The following WDSUB1 variants were observed in gnomAD, a reference collection of about 807,000 sequenced individuals.
WDSUB1 encodes the protein WD repeat, sterile alpha motif and U-box domain containing 1, also known as WD repeat, SAM and U-box domain-containing protein 1.
A neutral mutation model predicts 53.9 loss-of-function variants in WDSUB1; 49 were observed. The observed-to-expected ratio is 0.91, with a 90% CI of 0.72 to 1.15. The LOEUF (loss-of-function observed/expected upper bound fraction) is 1.15. Among genes scored for constraint, WDSUB1 ranks in the 50% most tolerant of loss-of-function variants. The pLI is 0.00. For synonymous variants in WDSUB1, 194 were observed against 200.6 expected (o/e 0.97, Z 0.28); for missense variants, 514 against 562.0 (o/e 0.91, Z 0.86).
intron 10 of WDSUB1, among the ~76,000 whole-genome samples, chr2:159,240,923 A>AAAAC (rs1485529926): frequency 6.6e-6 from 1 of 152,232 alleles, no homozygotes; most frequent in Non-Finnish European, 1.5e-5. Context: ...AGGTCCAAGA[A>AAAAC]AAACACCTAG....
At chr2:159,249,302 A>G (rs2060892870) in intron 9 of WDSUB1, among the ~76,000 whole-genome samples, 1 of 152,274 alleles carries the variant, frequency 6.6e-6, no homozygotes, top group Admixed American at 6.5e-5. Flanking sequence ...TGTCCAAACC[A>G]TAAACAGTTT....
intron 10 of WDSUB1, among the ~76,000 whole-genome samples, chr2:159,239,798 A>G (rs1030833572): frequency 6.6e-6 from 1 of 152,082 alleles, no homozygotes; most frequent in African/African-American, 2.4e-5. Context: ...ACTTTTGCCT[A>G]CTTACAAATT....
intron 10 of WDSUB1, among the ~76,000 whole-genome samples, chr2:159,238,644 T>C (rs2060553306): frequency 6.6e-6 from 1 of 152,250 alleles, no homozygotes; most frequent in Admixed American, 6.5e-5. Flanking sequence ...TGGATCGATT[T>C]CTGGATTTTA....
rs1202775652 is a variant in WDSUB1, at chr2:159,256,237, A to T, written c.1091T>A (p.Leu364Ter). 3 of 1,608,736 alleles carry T rather than the reference A, an allele frequency of 1.9e-6. No homozygotes were observed. The South Asian group carries it at 3.4e-5, about 18-fold the overall frequency. ...AGCCAGACTTTCTTTTGTAAGATTC[A>T]ACAGTTCTTTTCCATCAATGTTATT... ...KMNNIDGKEL[L>*]NLTKESLADD... The change falls in exon 9 of 11, where the codon TTG becomes TAG. Residue 364 changes from leucine to a stop codon, truncating the protein, a stop_gained. Coordinates refer to ENST00000359774, the MANE Select transcript of WDSUB1 (RefSeq NM_001128212.3). LOFTEE classifies it high-confidence loss of function.
intron 10 of WDSUB1, among the ~76,000 whole-genome samples, chr2:159,247,967 CTA>C (rs57474460): frequency 0.099 from 9,909 of 99,678 alleles, 850 homozygotes; most frequent in African/African-American, 0.21. Flanking sequence ...CTGATTACAA[CTA>C]TGTATAATAA....
At chr2:159,279,736 T>G in intron 3 of WDSUB1, 25 bp downstream of exon 3, 1 of 1,565,540 alleles carries the variant, frequency 6.4e-7, no homozygotes, top group Non-Finnish European at 8.6e-7. Context: ...GAATTTCTAG[T>G]GCTTAAAAGA....
At chr2:159,266,192 C>A (rs995590063) in intron 5 of WDSUB1, among the ~76,000 whole-genome samples, 2 of 151,906 alleles carry the variant, frequency 1.3e-5, no homozygotes, top group Non-Finnish European at 2.9e-5. Context: ...TGTCAAGGAA[C>A]CTTACTTTTT....
intron 5 of WDSUB1, among the ~76,000 whole-genome samples, chr2:159,270,054 T>C (rs573123884): frequency 4.6e-5 from 7 of 152,306 alleles, no homozygotes; most frequent in African/African-American, 1.7e-4. Flanking sequence ...AAAACCATCA[T>C]TATCCACAAA....
chr2:159,285,620 C>CACT (rs1216371883), intron 1 of WDSUB1, among the ~76,000 whole-genome samples: 1 of 152,134 alleles, frequency 6.6e-6, no homozygotes, highest in Non-Finnish European at 1.5e-5. Context: ...GCGGGAGCAT[C>CACT]ACTTGAGCCC....
chr2:159,266,491 G>T (rs1470739972), intron 5 of WDSUB1, among the ~76,000 whole-genome samples: 2 of 152,058 alleles, frequency 1.3e-5, no homozygotes, highest in Non-Finnish European at 2.9e-5. Flanking sequence ...CCTGGCCAAG[G>T]AATCTTACTT....
intron 5 of WDSUB1, among the ~76,000 whole-genome samples, chr2:159,261,593 T>C (rs2061189058): frequency 6.6e-6 from 1 of 152,048 alleles, no homozygotes; most frequent in East Asian, 1.9e-4. Context: ...AATTCTGCTA[T>C]TTTGAGCATC....
In WDSUB1 at chr2:159,236,156, A is replaced by C; in HGVS notation, c.1308T>G (p.Asn436Lys). ...TTGTACGTTTCTTTTTGCTGATCCA[A>C]TTTTCCATTGCTTCCTTTTCATATG... ...GYSYEKEAME[N>K]WISKKKRTSP... The change falls in exon 11 of 11, where the codon AAT becomes AAG. Residue 436 changes from asparagine to lysine, a missense_variant. Transcript: ENST00000359774. The C allele has an allele frequency of 6.2e-7, 1 of 1,612,046 alleles. No homozygotes were observed. Among genetic ancestry groups the C allele is most frequent in the East Asian group, 2.2e-5 (1 of 44,858 alleles).
At chr2:159,255,484 A>ATAAAT (rs1046005914) in intron 9 of WDSUB1, among the ~76,000 whole-genome samples, 6 of 149,252 alleles carry the variant, frequency 4.0e-5, no homozygotes, top group Admixed American at 2.0e-4. Context: ...AATAAATAAA[A>ATAAAT]TAAATTAAAT....
chr2:159,268,440 TC>T (rs1366153318), intron 5 of WDSUB1, among the ~76,000 whole-genome samples: 1 of 152,258 alleles, frequency 6.6e-6, no homozygotes, highest in Non-Finnish European at 1.5e-5. Context: ...ATAATCTTCA[TC>T]TTTAGAGATC....
rs1489064132 is a variant in WDSUB1, at chr2:159,243,390, A to G, written c.1273+4982T>C. On this transcript the variant is annotated intron_variant, in intron 10 of 10. Transcript: ENST00000359774. ...TAGTAAGGTAATCACAAACCTCTAGACAGGATAAGACTGTGTAGAGCTTCA... is the reference window on the plus strand; with the variant it reads ...TAGTAAGGTAATCACAAACCTCTAGGCAGGATAAGACTGTGTAGAGCTTCA... Among the ~76,000 whole-genome samples, 9 of 147,474 alleles carry G rather than the reference A, an allele frequency of 6.1e-5. 1 individual carries two copies. Among genetic ancestry groups the G allele is most frequent in the Non-Finnish European group, 8.8e-5 (6 of 67,896 alleles).
At chr2:159,252,410 A>G (rs1447101325) in intron 9 of WDSUB1, among the ~76,000 whole-genome samples, 1 of 152,238 alleles carries the variant, frequency 6.6e-6, no homozygotes, top group East Asian at 1.9e-4. Context: ...AGCCATTAAC[A>G]GCCATAAAGA....
Position 159,276,755 on chromosome 2 carries a change from TG to T in WDSUB1, c.584-1118del, listed in dbSNP as rs2061549686. Among the ~76,000 whole-genome samples the T allele has an allele frequency of 2.0e-5, 3 of 152,330 alleles. No individual in the cohort carries two copies. The South Asian group carries it at 6.2e-4, about 32-fold the overall frequency. On this transcript the variant is annotated intron_variant, in intron 3 of 10. Transcript: ENST00000359774. ...AGAAATTGAGGCTGGGCATGGTGGC[TG>T]AAGTCTGTAATCCCAGCACTTTGAG...
In WDSUB1 at chr2:159,275,546, C is replaced by A; in HGVS notation, c.676G>T (p.Gly226Cys). 6.3e-7 allele frequency: 1 copy of A among 1,591,814 alleles called. No homozygotes were observed. The highest frequency in any genetic ancestry group is 1.4e-5 in the African/African-American group (1 of 73,054). ...IWIVSFTHIL[G>C]FELKYKSTLS... ...GAGAAGCACTATTTGGCATACATAC[C>A]TAAGATATGGGTAAAAGAAACAATC... Residue 226 changes from glycine (G) to cysteine (C), a missense_variant and splice_region_variant, in exon 4 of 11, where the codon GGT becomes TGT. Coordinates refer to ENST00000359774, the MANE Select transcript of WDSUB1 (RefSeq NM_001128212.3).
intron 2 of WDSUB1, 76 bp from the exon 3 acceptor site, chr2:159,280,021 G>T: frequency 7.5e-7 from 1 of 1,338,944 alleles, no homozygotes; most frequent in South Asian, 1.6e-5. Flanking sequence ...ACAGCAGCTT[G>T]ATACAGTGAA....
Sources: allele counts gnomAD v4.1 joint callset (sites outside exome capture counted in the v4.1 genomes callset), GRCh38; gene constraint gnomAD v4.1.1; transcripts MANE v1.5; gene names NCBI Gene and HGNC (gene_info 2026-07-23, HGNC 2026-07-21).